DRD3: variants seen among roughly 807,000 people sequenced by gnomAD.
The protein encoded by DRD3 is dopamine receptor D3.
In DRD3, 19 loss-of-function variants were observed where a neutral mutation model predicts 36.3. The observed-to-expected ratio is 0.52, with a 90% CI of 0.36 to 0.77. The LOEUF (loss-of-function observed/expected upper bound fraction) is 0.77. Among genes scored for constraint, DRD3 ranks in the 30% least tolerant of loss-of-function variants. The probability of loss-of-function intolerance (pLI) is 0.00; values close to 1 mark genes in which losing one functional copy is unlikely to be tolerated. For synonymous variants in DRD3, 195 were observed against 203.7 expected (o/e 0.96, Z 0.36); for missense variants, 465 against 505.3 (o/e 0.92, Z 0.77).
intron 1 of DRD3, among the ~76,000 whole-genome samples, chr3:114,192,438 T>G (rs1269808771): frequency 2.6e-5 from 4 of 152,234 alleles, no homozygotes; most frequent in Non-Finnish European, 4.4e-5. Context: ...AGGGTCTGTA[T>G]AGTCAATTTC....
intron 5 of DRD3, among the ~76,000 whole-genome samples, chr3:114,134,824 CA>C (rs1312094558): frequency 2.0e-5 from 3 of 152,144 alleles, no homozygotes; most frequent in Non-Finnish European, 2.9e-5. Context: ...AATAATTTTA[CA>C]TATTTGTGGG....
intron 4 of DRD3, among the ~76,000 whole-genome samples, chr3:114,140,015 A>G (rs1432785213): frequency 6.6e-6 from 1 of 152,238 alleles, no homozygotes; most frequent in Non-Finnish European, 1.5e-5. Context: ...TCCCTTTCAT[A>G]GGATGTCACA....
At chr3:114,134,032 T>A (rs1038209631) in intron 5 of DRD3, among the ~76,000 whole-genome samples, 2 of 152,238 alleles carry the variant, frequency 1.3e-5, no homozygotes, top group Non-Finnish European at 1.5e-5. Context: ...ATGAATAGCA[T>A]CTTTCTGAAG....
chr3:114,164,828 T>C (rs1227927412), intron 2 of DRD3, among the ~76,000 whole-genome samples: 1 of 152,226 alleles, frequency 6.6e-6, no homozygotes, highest in Non-Finnish European at 1.5e-5. Context: ...CTCGGCTCAC[T>C]GCAATCTCCA....
chr3:114,177,167 G>A (rs2077907931), intron 1 of DRD3, among the ~76,000 whole-genome samples: 1 of 152,200 alleles, frequency 6.6e-6, no homozygotes, highest in East Asian at 1.9e-4. Context: ...GCTTGGTGAA[G>A]TAATGCAGGT....
intron 3 of DRD3, among the ~76,000 whole-genome samples, chr3:114,152,795 C>T (rs558354804): frequency 2.6e-5 from 4 of 152,364 alleles, no homozygotes; most frequent in African/African-American, 9.6e-5. Flanking sequence ...CCTCTCGGAG[C>T]GATTGCACGT....
intron 1 of DRD3, among the ~76,000 whole-genome samples, chr3:114,196,388 C>T (rs2078035796): frequency 6.6e-6 from 1 of 152,116 alleles, no homozygotes; most frequent in African/African-American, 2.4e-5. Flanking sequence ...GATCATAGCT[C>T]ACTGAAGCCT....
intron 1 of DRD3, among the ~76,000 whole-genome samples, chr3:114,194,076 T>A (rs919169412): frequency 1.3e-5 from 2 of 152,226 alleles, no homozygotes; most frequent in Non-Finnish European, 2.9e-5. Context: ...TGTCAATCAG[T>A]TGCTATCCCT....
intron 2 of DRD3, among the ~76,000 whole-genome samples, chr3:114,165,025 A>G (rs1316521710): frequency 6.6e-6 from 1 of 152,268 alleles, no homozygotes; most frequent in African/African-American, 2.4e-5. Context: ...TGCTGAGATT[A>G]CAGGTATGAG....
chr3:114,196,141 A>G (rs1406436854), intron 1 of DRD3, among the ~76,000 whole-genome samples: 1 of 152,142 alleles, frequency 6.6e-6, no homozygotes, highest in African/African-American at 2.4e-5. Flanking sequence ...TTGGCCTAGT[A>G]ATTTCCTATT....
chr3:114,174,164 G>T (rs893709021), intron 1 of DRD3, among the ~76,000 whole-genome samples: 3 of 152,132 alleles, frequency 2.0e-5, no homozygotes, highest in African/African-American at 7.2e-5. Context: ...GAGGGCAGCC[G>T]CTACCCTGGA....
At position 114,145,601 on chromosome 3, in the gene DRD3, T is replaced by TA. The variant is rs576969333; in HGVS notation, c.526+1813_526+1814insT. ...ATTTACATATGTTATCCCAATTTAA[T>TA]CCTCATTTAATGGCAAAAATCTCTC... On this transcript the variant is annotated intron_variant, in intron 4 of 6. Coordinates refer to ENST00000383673, the MANE Select transcript of DRD3 (RefSeq NM_000796.6). 1.1e-4 allele frequency among the ~76,000 whole-genome samples: 17 copies of TA among 152,312 alleles called. No homozygotes were observed. In the East Asian group the frequency reaches 2.9e-3, roughly 26 times the overall value.
At chr3:114,177,790 T>C (rs2077915372) in intron 1 of DRD3, among the ~76,000 whole-genome samples, 1 of 152,306 alleles carries the variant, frequency 6.6e-6, no homozygotes, top group South Asian at 2.1e-4. Flanking sequence ...TCTCACATTG[T>C]CTCTACTTCT....
intron 1 of DRD3, among the ~76,000 whole-genome samples, chr3:114,193,973 G>C (rs551727217): frequency 6.6e-5 from 10 of 151,936 alleles, no homozygotes; most frequent in Non-Finnish European, 1.5e-4. Context: ...TGCACTCTTG[G>C]TCAGTTCTAA....
At chr3:114,198,710 G>A (rs1473794092) in intron 1 of DRD3, among the ~76,000 whole-genome samples, 4 of 151,844 alleles carry the variant, frequency 2.6e-5, no homozygotes, top group East Asian at 3.9e-4. Context: ...CACACACACC[G>A]CTACACTTAA....
intron 1 of DRD3, among the ~76,000 whole-genome samples, chr3:114,172,279 A>T (rs1024367695): frequency 2.0e-5 from 3 of 152,220 alleles, no homozygotes; most frequent in African/African-American, 7.2e-5. Flanking sequence ...TGTGTTCAAT[A>T]ATGATACGTA....
intron 1 of DRD3, among the ~76,000 whole-genome samples, chr3:114,197,927 T>G (rs2078045975): frequency 6.6e-6 from 1 of 152,214 alleles, no homozygotes; most frequent in South Asian, 2.1e-4. Context: ...TTCTCGTTCC[T>G]TAATATTTCC....
At chr3:114,136,839 T>C (rs147930658) in intron 5 of DRD3, among the ~76,000 whole-genome samples, 1 of 152,246 alleles carries the variant, frequency 6.6e-6, no homozygotes, top group African/African-American at 2.4e-5. Context: ...ACAAGGCTAA[T>C]GGTGACCATG....
At chr3:114,131,075 A>C (rs749068681) in intron 6 of DRD3, 43 bp downstream of exon 6, 1 of 1,587,056 alleles carries the variant, frequency 6.3e-7, no homozygotes. Context: ...AACTTAACAC[A>C]ACCTAACCCA....
Sources: allele counts gnomAD v4.1 joint callset (sites outside exome capture counted in the v4.1 genomes callset), GRCh38; gene constraint gnomAD v4.1.1; transcripts MANE v1.5; gene names NCBI Gene and HGNC (gene_info 2026-07-23, HGNC 2026-07-21).